The following SLA variants were observed in gnomAD, a reference collection of about 807,000 sequenced individuals.
The protein encoded by SLA is Src like adaptor.
SLA carries 16 observed loss-of-function variants against 30.3 expected under a neutral mutation model. The observed-to-expected ratio is 0.53, with a 90% confidence interval of 0.36 to 0.80. SLA has a LOEUF of 0.80. Among genes scored for constraint, SLA ranks in the 30% least tolerant of loss-of-function variants. SLA has a pLI of 0.01. For synonymous variants in SLA, 143 were observed against 137.8 expected (o/e 1.04, Z -0.26); for missense variants, 310 against 345.2 (o/e 0.90, Z 0.81).
intron 1 of SLA, among the ~76,000 whole-genome samples, chr8:133,079,675 G>T (rs1845452552): frequency 6.6e-6 from 1 of 152,116 alleles, no homozygotes; most frequent in Non-Finnish European, 1.5e-5. Flanking sequence ...CTACTTTATA[G>T]CTTGATTTGT....
intron 3 of SLA, among the ~76,000 whole-genome samples, chr8:133,058,153 A>G (rs916715070): frequency 2.0e-5 from 3 of 152,230 alleles, no homozygotes; most frequent in Admixed American, 6.5e-5. Flanking sequence ...TTAACACGGC[A>G]TCACTGCACC....
intron 1 of SLA, among the ~76,000 whole-genome samples, chr8:133,081,528 G>T (rs1019701744): frequency 6.6e-6 from 1 of 152,080 alleles, no homozygotes; most frequent in Non-Finnish European, 1.5e-5. Context: ...ACCTAAATGT[G>T]TATGTCATCA....
rs1227018082 is a variant in SLA at position 133,038,699 on chromosome 8, C to T, written c.656G>A (p.Gly219Glu). 6.2e-7 allele frequency: 1 copy of T among 1,614,104 alleles called. No individual in the cohort carries two copies. Among genetic ancestry groups the T allele is most frequent in the Admixed American group, 1.7e-5 (1 of 60,006 alleles). The part of the protein sequence containing the change: ...EDPEGTENPL[G>E]VDESLFSYGL... ...ATAGCTGAAAAGGGACTCGTCTACCCCAAGCGGGTTCTCTGTTCCCTCGGG... is the reference window on the plus strand; with the variant it reads ...ATAGCTGAAAAGGGACTCGTCTACCTCAAGCGGGTTCTCTGTTCCCTCGGG... The change falls in exon 9 of 9, where the codon GGG (glycine) becomes GAG (glutamate). Residue 219 changes from glycine to glutamate, a missense_variant. Physicochemically the swap from Gly to Glu is moderately conservative, Grantham distance 98. Coordinates refer to ENST00000338087, the MANE Select transcript of SLA (RefSeq NM_001045556.3).
intron 6 of SLA, 116 bp downstream of exon 6, chr8:133,047,714 T>A: frequency 1.4e-6 from 1 of 734,086 alleles, no homozygotes; most frequent in Non-Finnish European, 2.5e-6. Flanking sequence ...TTAACTACAT[T>A]GGATCAATTT....
intron 3 of SLA, among the ~76,000 whole-genome samples, chr8:133,052,565 A>G (rs759420487): frequency 2.0e-5 from 3 of 152,218 alleles, no homozygotes; most frequent in Non-Finnish European, 4.4e-5. Context: ...GCTGAATTCA[A>G]AAAAGGGATT....
In SLA at chr8:133,042,678, C is replaced by CTTTTTTTTTTTTTTTTTTT. The variant is rs58739514; in HGVS notation, c.484+2287_484+2305dup. 7.0e-5 allele frequency among the ~76,000 whole-genome samples: 4 copies of CTTTTTTTTTTTTTTTTTTT among 56,770 alleles called. 1 individual carries two copies. Among genetic ancestry groups the CTTTTTTTTTTTTTTTTTTT allele is most frequent in the African/African-American group, 6.9e-5 (1 of 14,490 alleles). The allele number at this position is 56,770 out of a possible 152,430, so 37.2% of individuals were successfully genotyped here. ...GTGCACAATTCCTCTCATTCTGTGTCTTTTTTTTTTTTTTTTTTTTTTTTT... is the reference window on the plus strand; with the variant it reads ...GTGCACAATTCCTCTCATTCTGTGTCTTTTTTTTTTTTTTTTTTTTTTTTTTTTTTTTTTTTTTTTTTTT... On this transcript the variant is annotated intron_variant, in intron 7 of 8. Coordinates refer to ENST00000338087, the MANE Select transcript of SLA (RefSeq NM_001045556.3).
chr8:133,074,767 C>A, intron 2 of SLA, 86 bp downstream of exon 2: 1 of 791,808 alleles, frequency 1.3e-6, no homozygotes, highest in Non-Finnish European at 1.5e-6. Flanking sequence ...CTTTCTGACT[C>A]CAGAAAGTCA....
intron 8 of SLA, 101 bp from the exon 9 acceptor site, chr8:133,038,838 A>T: frequency 1.4e-6 from 1 of 694,154 alleles, no homozygotes; most frequent in South Asian, 1.8e-5. Context: ...AGGAAAAGAA[A>T]AACAAAAATC....
At position 133,047,573 on chromosome 8, in the gene SLA, A is replaced by T. The variant is rs187851309; in HGVS notation, c.352+257T>A. ...AGTTTTGTTCTCAGTTGCTGGAAAA[A>T]TTTCCAGCAGGAGTCATCAGGCCTG... is the stretch of plus-strand genomic sequence containing the variant. On this transcript the variant is annotated intron_variant, in intron 6 of 8. Coordinates refer to ENST00000338087, the MANE Select transcript of SLA (RefSeq NM_001045556.3). The T allele has an allele frequency of 1.4e-3, 706 of 507,742 alleles. 2 individuals are homozygous for T. The highest frequency in any genetic ancestry group is 4.0e-3 in the Middle Eastern group (8 of 1,984). The allele number at this position is 507,742 out of a possible 1,614,324, so 31.5% of individuals were successfully genotyped here. A position where few individuals can be genotyped will look rare whatever the true frequency, so the allele number is the denominator to read the frequency against.
At chr8:133,057,230 A>G (rs1027931517) in intron 3 of SLA, among the ~76,000 whole-genome samples, 1 of 152,230 alleles carries the variant, frequency 6.6e-6, no homozygotes, top group Admixed American at 6.5e-5. Flanking sequence ...AGAGGGGAAA[A>G]AGATCACAGC....
intron 7 of SLA, among the ~76,000 whole-genome samples, chr8:133,043,964 A>G (rs1838808998): frequency 6.6e-6 from 1 of 152,162 alleles, no homozygotes; most frequent in South Asian, 2.1e-4. Context: ...GCTGGCATTT[A>G]ATGGGAGCTC....
intron 2 of SLA, among the ~76,000 whole-genome samples, chr8:133,072,532 G>C (rs1844224788): frequency 6.6e-6 from 1 of 152,198 alleles, no homozygotes; most frequent in Non-Finnish European, 1.5e-5. Flanking sequence ...GAACCAAATG[G>C]TTTGGTCTGA....
intron 1 of SLA, among the ~76,000 whole-genome samples, chr8:133,101,465 A>G (rs1281514331): frequency 6.6e-6 from 1 of 152,188 alleles, no homozygotes; most frequent in Non-Finnish European, 1.5e-5. Context: ...TGAAGATGGC[A>G]GGTTCTGGAG....
intron 2 of SLA, among the ~76,000 whole-genome samples, chr8:133,063,919 T>C (rs985946649): frequency 6.6e-6 from 1 of 152,174 alleles, no homozygotes; most frequent in Non-Finnish European, 1.5e-5. Context: ...ATTTAATCTG[T>C]GACAATTTTA....
At chr8:133,042,944 T>A (rs774763471) in intron 7 of SLA, among the ~76,000 whole-genome samples, 6 of 151,272 alleles carry the variant, frequency 4.0e-5, no homozygotes, top group Non-Finnish European at 8.8e-5. Flanking sequence ...TCCGCCCACC[T>A]CAGCCTCCCA....
chr8:133,089,628 A>G (rs1263127847), intron 1 of SLA, among the ~76,000 whole-genome samples: 1 of 152,194 alleles, frequency 6.6e-6, no homozygotes, highest in Non-Finnish European at 1.5e-5. Flanking sequence ...CTCTTCATTT[A>G]GAAGTCACTG....
At position 133,047,904 on chromosome 8, in the gene SLA, T is replaced by C; in HGVS notation, c.278A>G (p.Lys93Arg). ...TGGCAGCTGCAGCAGCTCCTCGGCC[T>C]TGTCTCTGCCCAGGCCCTCAAACAG... ...GWLFEGLGRD[K>R]AEELLQLPDT... Residue 93 changes from lysine (K) to arginine (R), a missense_variant, in exon 6 of 9, where the codon AAG (lysine) becomes AGG (arginine). Lys to Arg is a conservative substitution (Grantham distance 26). Coordinates refer to ENST00000338087, the MANE Select transcript of SLA (RefSeq NM_001045556.3). 1 of 1,612,032 alleles carries C rather than the reference T, an allele frequency of 6.2e-7. No individual in the cohort carries two copies. The highest frequency in any genetic ancestry group is 8.5e-7 in the Non-Finnish European group (1 of 1,179,000).
intron 2 of SLA, among the ~76,000 whole-genome samples, chr8:133,061,729 G>A (rs374409634): frequency 2.0e-5 from 3 of 152,110 alleles, no homozygotes; most frequent in African/African-American, 7.2e-5. Context: ...ACCTTATGAA[G>A]GGCACAAAAG....
At chr8:133,075,250 A>G (rs531839283) in intron 1 of SLA, 120 bp from the exon 2 acceptor site, 13 of 445,186 alleles carry the variant, frequency 2.9e-5, no homozygotes, top group Admixed American at 1.9e-4. Context: ...AGGCAAATCA[A>G]TGGGGCTGTG....
Sources: allele counts gnomAD v4.1 joint callset (sites outside exome capture counted in the v4.1 genomes callset), GRCh38; gene constraint gnomAD v4.1.1; transcripts MANE v1.5; gene names NCBI Gene and HGNC (gene_info 2026-07-23, HGNC 2026-07-21).